Variants in PCDH15 observed in about 807,000 individuals in gnomAD.
PCDH15 encodes protocadherin related 15, also known as protocadherin-15.
In PCDH15, 129 loss-of-function variants were observed where a neutral mutation model predicts 178.5. That is an observed-to-expected ratio of 0.72 (90% CI 0.63 to 0.84). The LOEUF is 0.84. Among genes scored for constraint, PCDH15 ranks in the 40% least tolerant of loss-of-function variants. The pLI, the probability that PCDH15 is intolerant of heterozygous loss-of-function variation, is 0.00. For missense variants in PCDH15, 2,230 were observed against 2,099.9 expected, an observed-to-expected ratio of 1.06 and a Z score of -1.21; for synonymous variants, 800 against 732.0, an observed-to-expected ratio of 1.09 and a Z score of -1.50.
intron 17 of PCDH15, among the ~76,000 whole-genome samples, chr10:54,074,189 T>C (rs979610421): frequency 2.0e-5 from 3 of 152,238 alleles, no homozygotes; most frequent in African/African-American, 7.2e-5. Context: ...TCTAGATTTT[T>C]TTTCTGTATT....
chr10:54,533,184 T>C (rs2084111846), intron 2 of PCDH15, among the ~76,000 whole-genome samples: 1 of 152,232 alleles, frequency 6.6e-6, no homozygotes, highest in Non-Finnish European at 1.5e-5. Flanking sequence ...AACTATGTCA[T>C]AGGAACTTGT....
chr10:54,773,991 T>C (rs973689733), intron 1 of PCDH15, among the ~76,000 whole-genome samples: 2 of 141,550 alleles, frequency 1.4e-5, no homozygotes, highest in African/African-American at 2.6e-5. Context: ...CTAGATGAAC[T>C]GGCATACTTC....
intron 1 of PCDH15, among the ~76,000 whole-genome samples, chr10:55,203,515 A>G (rs1023006415): frequency 1.3e-5 from 2 of 152,038 alleles, no homozygotes; most frequent in Admixed American, 6.6e-5. Context: ...AGAAGCCGAC[A>G]TTAGGAACAG....
intron 1 of PCDH15, among the ~76,000 whole-genome samples, chr10:54,765,494 A>AT (rs1162970955): frequency 1.3e-5 from 2 of 152,100 alleles, no homozygotes; most frequent in East Asian, 3.8e-4. Context: ...TTTGTCTTTT[A>AT]TTTTTTAAAC....
chr10:54,257,296 G>A (rs181195941), intron 8 of PCDH15, among the ~76,000 whole-genome samples: 9 of 152,150 alleles, frequency 5.9e-5, no homozygotes, highest in Admixed American at 3.9e-4. Flanking sequence ...GAGGGAATCT[G>A]AGGAATACAG....
chr10:55,415,541 CTTT>C (rs1162709188), intron 2 of PCDH15, among the ~76,000 whole-genome samples: 5 of 151,664 alleles, frequency 3.3e-5, no homozygotes. Flanking sequence ...CAAATTTCCA[CTTT>C]TCTAAGTATG....
intron 3 of PCDH15, among the ~76,000 whole-genome samples, chr10:54,852,368 A>G (rs1330711527): frequency 6.6e-6 from 1 of 152,156 alleles, no homozygotes; most frequent in Non-Finnish European, 1.5e-5. Context: ...ACACAAACAT[A>G]AAGTGATTAC....
intron 1 of PCDH15, among the ~76,000 whole-genome samples, chr10:54,677,261 C>T (rs1011410796): frequency 6.6e-6 from 1 of 152,058 alleles, no homozygotes; most frequent in African/African-American, 2.4e-5. Context: ...CACCTGAAGT[C>T]CTACCACTCT....
In PCDH15 at chr10:54,274,606, C is replaced by T. The variant is rs1191904515; in HGVS notation, c.877-37675G>A. ...TAAATGCCTTTGATTCGAAACAAAA[C>T]TCAGTTTAATTGTGTGTGTGTGTGT... is the stretch of plus-strand genomic sequence containing the variant. On this transcript the variant is annotated intron_variant, in intron 8 of 37. Transcript: ENST00000644397. 6.1e-5 allele frequency among the ~76,000 whole-genome samples: 8 copies of T among 130,376 alleles called. No individual in the cohort carries two copies. The Admixed American group carries it at 6.4e-4, about 10-fold the overall frequency. 85.5% of individuals were successfully genotyped at this position (130,376 alleles called of 152,430 possible). A position where few individuals can be genotyped will look rare whatever the true frequency, so the allele number is the denominator to read the frequency against.
chr10:55,400,708 T>C (rs1838042049), intron 2 of PCDH15, among the ~76,000 whole-genome samples: 1 of 152,124 alleles, frequency 6.6e-6, no homozygotes, highest in African/African-American at 2.4e-5. Flanking sequence ...GTACCCTTTT[T>C]TAATTCTGCA....
intron 2 of PCDH15, among the ~76,000 whole-genome samples, chr10:55,074,948 C>G (rs978519767): frequency 4.6e-5 from 7 of 152,246 alleles, no homozygotes; most frequent in African/African-American, 1.7e-4. Flanking sequence ...AGCCATTTCT[C>G]CCAGCACCAT....
intron 2 of PCDH15, among the ~76,000 whole-genome samples, chr10:54,904,691 C>A (rs919789097): frequency 2.0e-5 from 3 of 151,864 alleles, no homozygotes; most frequent in Non-Finnish European, 1.5e-5. Context: ...AAATAAACTA[C>A]CAATCAGGCA....
chr10:54,726,302 A>G (rs1474917240), intron 1 of PCDH15, among the ~76,000 whole-genome samples: 1 of 151,696 alleles, frequency 6.6e-6, no homozygotes, highest in Non-Finnish European at 1.5e-5. Flanking sequence ...TTATTATTAT[A>G]GAGAAACTAT....
At chr10:54,802,560 T>C (rs752779050), upstream of PCDH15, among the ~76,000 whole-genome samples, 4 of 152,210 alleles carry the variant, frequency 2.6e-5, no homozygotes, top group Non-Finnish European at 5.9e-5. Flanking sequence ...GAATACATTA[T>C]ACACTTGTTA....
chr10:54,756,325 AC>A (rs1256719804), intron 1 of PCDH15, among the ~76,000 whole-genome samples: 28 of 152,272 alleles, frequency 1.8e-4, no homozygotes, highest in Non-Finnish European at 3.1e-4. Flanking sequence ...CTATCTTATT[AC>A]TGACGTGTCC....
chr10:55,500,451 T>G (rs963038944), intron 2 of PCDH15, among the ~76,000 whole-genome samples: 23 of 151,810 alleles, frequency 1.5e-4, no homozygotes, highest in Non-Finnish European at 2.8e-4. Context: ...AAATTTCCTA[T>G]TGAGTGTTGA....
At chr10:55,166,987 C>T (rs149445312) in intron 1 of PCDH15, among the ~76,000 whole-genome samples, 389 of 152,242 alleles carry the variant, frequency 2.6e-3, no homozygotes, top group African/African-American at 8.5e-3. Context: ...GTCTTAACAA[C>T]GAAGCACTGC....
Position 53,959,836 on chromosome 10 carries a change from C to T in PCDH15, c.3018G>A (p.Val1006=). ...EEPTTIFKLV[V]VAFDDGEPVM... Reference sequence around the variant, plus strand: ...CAGGCTCCCCATCATCAAAAGCAACCACCACCAACTTAAAAAGCAATAAAA... The same window carrying T: ...CAGGCTCCCCATCATCAAAAGCAACTACCACCAACTTAAAAAGCAATAAAA... Residue 1006 remains valine, a synonymous_variant, in exon 23 of 38, where the codon GTG becomes GTA. Transcript: ENST00000644397. 3 of 1,613,124 alleles carry T rather than the reference C, an allele frequency of 1.9e-6. No homozygotes were observed. The highest frequency in any genetic ancestry group is 2.5e-6 in the Non-Finnish European group (3 of 1,179,188).
chr10:54,473,700 G>T (rs1238393255), intron 3 of PCDH15, among the ~76,000 whole-genome samples: 1 of 151,624 alleles, frequency 6.6e-6, no homozygotes, highest in African/African-American at 2.4e-5. Flanking sequence ...CATTAAAAGG[G>T]TATTCTAAAA....
Sources: gnomAD v4.1 joint callset for allele counts (sites outside exome capture counted in the v4.1 genomes callset) on GRCh38, gnomAD v4.1.1 for gene constraint, MANE v1.5 for transcripts, NCBI Gene and HGNC (gene_info 2026-07-23, HGNC 2026-07-21) for gene names.